Variants in CELF4 observed in about 807,000 individuals in gnomAD.
CELF4 encodes the protein CUGBP Elav-like family member 4, also known as CUG-BP- and ETR-3-like factor 4.
A neutral mutation model predicts 59.9 loss-of-function variants in CELF4; 18 were observed. That is an observed-to-expected ratio of 0.30 (90% confidence interval 0.21 to 0.45). CELF4 has a LOEUF of 0.45. Among genes scored for constraint, CELF4 ranks in the 20% least tolerant of loss-of-function variants. CELF4 has a pLI of 1.00. For synonymous variants in CELF4, 261 were observed against 267.1 expected (o/e 0.98, Z 0.22); for missense variants, 456 against 689.0 (o/e 0.66, Z 3.79).
intron 2 of CELF4, among the ~76,000 whole-genome samples, chr18:37,452,602 C>A (rs1003392188): frequency 6.6e-6 from 1 of 152,140 alleles, no homozygotes; most frequent in African/African-American, 2.4e-5. Context: ...GTCTGTGTCA[C>A]GGTGTCTCTG....
At chr18:37,424,725 T>C (rs551444946) in intron 2 of CELF4, among the ~76,000 whole-genome samples, 1 of 152,186 alleles carries the variant, frequency 6.6e-6, no homozygotes, top group South Asian at 2.1e-4. Context: ...TGGTTACCAG[T>C]GTTAAGCTCA....
intron 1 of CELF4, among the ~76,000 whole-genome samples, chr18:37,508,688 C>T (rs1469359227): frequency 6.6e-6 from 1 of 152,236 alleles, no homozygotes; most frequent in African/African-American, 2.4e-5. Context: ...ATGCTGTGAG[C>T]TCAAGTGGTC....
chr18:37,550,086 G>A (rs1029119826), intron 1 of CELF4, among the ~76,000 whole-genome samples: 3 of 127,488 alleles, frequency 2.4e-5, no homozygotes, highest in Non-Finnish European at 3.4e-5. Flanking sequence ...CAATGGGTGG[G>A]GGGGGGGGAT....
At chr18:37,407,301 T>G (rs978966570) in intron 2 of CELF4, among the ~76,000 whole-genome samples, 1 of 152,180 alleles carries the variant, frequency 6.6e-6, no homozygotes, top group African/African-American at 2.4e-5. Context: ...CTCCAGTTCC[T>G]GCCAAGCTCT....
chr18:37,523,849 G>A (rs965784058), intron 1 of CELF4, among the ~76,000 whole-genome samples: 4 of 131,974 alleles, frequency 3.0e-5, no homozygotes, highest in Non-Finnish European at 4.5e-5. Context: ...AGTCAACAGA[G>A]GTGAAGGTGG....
chr18:37,502,494 G>A (rs972892861), intron 1 of CELF4, among the ~76,000 whole-genome samples: 3 of 152,106 alleles, frequency 2.0e-5, no homozygotes, highest in African/African-American at 7.2e-5. Flanking sequence ...ATCTCTCACC[G>A]GGAAGGTGGT....
chr18:37,404,259 G>A lies in CELF4; in HGVS notation c.369+81266C>T, dbSNP rs76193521. On this transcript the variant is annotated intron_variant, in intron 2 of 12. Coordinates refer to ENST00000420428, the MANE Select transcript of CELF4 (RefSeq NM_020180.4). ...TGAAGCTCCTGCTCAGCTCATGCCC[G>A]GTTCTTGAACCCAAAGGGAAGCAGA... is the stretch of plus-strand genomic sequence containing the variant. 4.7e-3 allele frequency among the ~76,000 whole-genome samples: 722 copies of A among 152,272 alleles called. 9 individuals carry two copies. Among genetic ancestry groups the A allele is most frequent in the African/African-American group, 0.016 (681 of 41,532 alleles).
At chr18:37,322,029 C>A (rs2097141354) in intron 2 of CELF4, 148 bp from the exon 3 acceptor site, 1 of 568,268 alleles carries the variant, frequency 1.8e-6, no homozygotes, top group Non-Finnish European at 3.0e-6. Flanking sequence ...AGCACACACA[C>A]CTTCACCAAA....
intron 1 of CELF4, among the ~76,000 whole-genome samples, chr18:37,556,601 G>A (rs1185348002): frequency 1.3e-5 from 2 of 152,140 alleles, no homozygotes; most frequent in Non-Finnish European, 2.9e-5. Flanking sequence ...GTGCCTACCT[G>A]CATGGAAGGT....
At chr18:37,278,090 G>GT (rs1417420820) in intron 3 of CELF4, among the ~76,000 whole-genome samples, 52 of 151,910 alleles carry the variant, frequency 3.4e-4, no homozygotes, top group African/African-American at 8.9e-4. Flanking sequence ...CCGGTTTTGG[G>GT]TTTTTTTTGT....
chr18:37,264,835 G>T, intron 9 of CELF4, 78 bp from the exon 10 acceptor site: 1 of 1,259,712 alleles, frequency 7.9e-7, no homozygotes, highest in Non-Finnish European at 1.1e-6. Context: ...AGATTTCAGT[G>T]CAGGCAGTAA....
At chr18:37,258,014 TCA>T (rs1328250008) in intron 11 of CELF4, among the ~76,000 whole-genome samples, 1 of 152,178 alleles carries the variant, frequency 6.6e-6, no homozygotes, top group African/African-American at 2.4e-5. Context: ...CATTTAAGCT[TCA>T]CATCAACAAT....
At chr18:37,261,944 A>G (rs747843414) in intron 10 of CELF4, among the ~76,000 whole-genome samples, 7 of 152,310 alleles carry the variant, frequency 4.6e-5, no homozygotes, top group Non-Finnish European at 1.0e-4. Context: ...GCAGGGTTGG[A>G]GGAACACAGC....
chr18:37,319,662 C>G (rs2097018755), intron 3 of CELF4, among the ~76,000 whole-genome samples: 2 of 152,260 alleles, frequency 1.3e-5, no homozygotes, highest in Non-Finnish European at 2.9e-5. Flanking sequence ...GGACAACTGG[C>G]TCTCCAAATT....
At position 37,529,392 on chromosome 18, in the gene CELF4, T is replaced by C. The variant is rs540019370; in HGVS notation, c.286+35964A>G. Among the ~76,000 whole-genome samples the C allele has an allele frequency of 1.1e-3, 162 of 152,316 alleles. 1 individual carries two copies. Among genetic ancestry groups the C allele is most frequent in the African/African-American group, 3.0e-3 (126 of 41,580 alleles). ...GCATGGGTCGAGGTGCTTACGACAC[T>C]GTCTCTGACCTCAAGGAGCTCAGGT... On this transcript the variant is annotated intron_variant, in intron 1 of 12. Coordinates refer to ENST00000420428, the MANE Select transcript of CELF4 (RefSeq NM_020180.4).
chr18:37,284,921 C>A (rs143858088), intron 3 of CELF4, among the ~76,000 whole-genome samples: 2 of 152,298 alleles, frequency 1.3e-5, no homozygotes, highest in East Asian at 3.9e-4. Context: ...TGGTCTGGAC[C>A]GAGCTGAGCT....
At chr18:37,266,399 C>T in intron 9 of CELF4, 134 bp downstream of exon 9, 2 of 944,450 alleles carry the variant, frequency 2.1e-6, no homozygotes, top group Non-Finnish European at 3.3e-6. Flanking sequence ...TCTGCCAGCA[C>T]AGCCCTCCCT....
At chr18:37,349,435 G>A (rs954919809) in intron 2 of CELF4, among the ~76,000 whole-genome samples, 3 of 152,196 alleles carry the variant, frequency 2.0e-5, no homozygotes, top group African/African-American at 7.2e-5. Context: ...GCGGGTTTAG[G>A]GAGGAAGGAG....
At chr18:37,382,743 G>T (rs1359915623) in intron 2 of CELF4, among the ~76,000 whole-genome samples, 1 of 152,128 alleles carries the variant, frequency 6.6e-6, no homozygotes, top group Non-Finnish European at 1.5e-5. Flanking sequence ...TTCAACAAAC[G>T]TAAAATATTT....
Sources: allele counts gnomAD v4.1 joint callset (sites outside exome capture counted in the v4.1 genomes callset), GRCh38; gene constraint gnomAD v4.1.1; transcripts MANE v1.5; gene names NCBI Gene and HGNC (gene_info 2026-07-23, HGNC 2026-07-21).